Variants in PSMC6 observed in about 807,000 individuals in gnomAD.
The protein encoded by PSMC6 is proteasome 26S subunit, ATPase 6, also known as 26S proteasome regulatory subunit 10B.
Under a neutral mutation model 55.9 loss-of-function variants are expected in PSMC6, and 3 were observed. The observed-to-expected ratio is 0.05, with a 90% CI of 0.02 to 0.14. The LOEUF (loss-of-function observed/expected upper bound fraction) is 0.14, where lower values mean the gene tolerates loss of function less well. Ranked by LOEUF, PSMC6 falls within the 10% of genes least tolerant of loss-of-function variation. The pLI, the probability that PSMC6 is intolerant of heterozygous loss-of-function variation, is 1.00. For synonymous variants in PSMC6, 137 were observed against 155.9 expected (o/e 0.88, Z 0.90); for missense variants, 210 against 478.7 (o/e 0.44, Z 5.24).
At chr14:52,724,064 T>C in intron 13 of PSMC6, 28 bp downstream of exon 13, 1 of 1,581,016 alleles carries the variant, frequency 6.3e-7, no homozygotes. Context: ...AGTTTTACTA[T>C]TGATTTTGAT....
intron 13 of PSMC6, 90 bp downstream of exon 13, chr14:52,724,126 CT>C: frequency 2.4e-6 from 3 of 1,243,258 alleles, no homozygotes; most frequent in Non-Finnish European, 3.5e-6. Flanking sequence ...GGAGCATAGA[CT>C]TTGCAAGGAT....
intron 7 of PSMC6, among the ~76,000 whole-genome samples, chr14:52,715,583 A>G (rs2041821649): frequency 6.6e-6 from 1 of 151,306 alleles, no homozygotes; most frequent in Non-Finnish European, 1.5e-5. Context: ...ATCTGGCACT[A>G]TGTGGTTGAA....
chr14:52,711,209 A>G (rs746998070), intron 5 of PSMC6, 41 bp downstream of exon 5: 3 of 1,570,544 alleles, frequency 1.9e-6, no homozygotes, highest in Admixed American at 3.4e-5. Context: ...TTATTTTCAC[A>G]AAGGGTGGTT....
chr14:52,711,028 AATATTAAACTCTCGTTAGAGTGTTAT>A, intron 4 of PSMC6, 47 bp from the exon 5 acceptor site: 1 of 317,714 alleles, frequency 3.1e-6, no homozygotes, highest in Non-Finnish European at 5.1e-6. Context: ...TTGGCTTCTA[AATATTAAACTCTCGTTAGAGTGTTAT>A]TCCGTTTTTA....
intron 12 of PSMC6, 190 bp from the exon 13 acceptor site, chr14:52,723,773 CTA>C (rs1421750749): frequency 7.6e-7 from 1 of 1,312,740 alleles, no homozygotes; most frequent in East Asian, 2.7e-5. Flanking sequence ...AGGGGTGTGT[CTA>C]ATTCTTCTTG....
chr14:52,718,640 G>A, intron 9 of PSMC6: 1 of 391,806 alleles, frequency 2.6e-6, no homozygotes, highest in Non-Finnish European at 4.7e-6. Flanking sequence ...ACAAAAATTA[G>A]CTGGATGTGG....
At chr14:52,708,424 T>C (rs1314907606) in intron 2 of PSMC6, 36 bp downstream of exon 2, 2 of 1,612,068 alleles carry the variant, frequency 1.2e-6, no homozygotes, top group African/African-American at 1.3e-5. Context: ...GGGGTGATGG[T>C]AATTTGCTTT....
At chr14:52,715,249 T>A (rs1275020935) in intron 7 of PSMC6, among the ~76,000 whole-genome samples, 1 of 152,172 alleles carries the variant, frequency 6.6e-6, no homozygotes, top group Non-Finnish European at 1.5e-5. Context: ...AAAGGGAAAA[T>A]AAATATAAAG....
chr14:52,716,096 C>T (rs1181844365), intron 7 of PSMC6, among the ~76,000 whole-genome samples: 1 of 152,080 alleles, frequency 6.6e-6, no homozygotes, highest in African/African-American at 2.4e-5. Flanking sequence ...AGTAAAAGAT[C>T]CAGTCAGTGC....
chr14:52,714,887 A>T (rs993255880), intron 7 of PSMC6, among the ~76,000 whole-genome samples: 21 of 150,978 alleles, frequency 1.4e-4, no homozygotes, highest in African/African-American at 4.1e-4. Flanking sequence ...AAAAAAAAAA[A>T]ATTTTTTTAT....
chr14:52,727,018 A>AT (rs66797420), intron 13 of PSMC6, among the ~76,000 whole-genome samples: 80,473 of 102,164 alleles, frequency 0.79, 32,841 homozygotes, highest in Middle Eastern at 0.88. Flanking sequence ...ACCGCTATGG[A>AT]TTTTTTTTTT....
chr14:52,712,845 G>A (rs1228969982), intron 6 of PSMC6, among the ~76,000 whole-genome samples: 1 of 152,062 alleles, frequency 6.6e-6, no homozygotes, highest in African/African-American at 2.4e-5. Context: ...TCGAACTCCT[G>A]AACTCAAGCC....
chr14:52,727,284 C>A (rs897580090), intron 13 of PSMC6, among the ~76,000 whole-genome samples: 1 of 151,890 alleles, frequency 6.6e-6, no homozygotes, highest in African/African-American at 2.4e-5. Context: ...CCATCTTGGC[C>A]TCCCAAAGTG....
chr14:52,713,972 G>C lies in PSMC6; in HGVS notation c.529+4G>C. The C allele has an allele frequency of 6.6e-7, 1 of 1,504,956 alleles. No individual in the cohort carries two copies. Among genetic ancestry groups the C allele is most frequent in the Non-Finnish European group, 9.1e-7 (1 of 1,098,330 alleles). 93.2% of individuals were successfully genotyped at this position (1,504,956 alleles called of 1,614,324 possible). ...TGTTTGTTATATGGACCACCAGGTTGGTATTGAATTATTTCTACTCCACCA... is the reference window on the plus strand; with the variant it reads ...TGTTTGTTATATGGACCACCAGGTTCGTATTGAATTATTTCTACTCCACCA... On this transcript the variant is annotated splice_donor_region_variant and intron_variant, in intron 7 of 13. Coordinates refer to ENST00000445930, the MANE Select transcript of PSMC6 (RefSeq NM_002806.5).
At chr14:52,718,427 C>G (rs1183065174) in intron 9 of PSMC6, 75 bp downstream of exon 9, 2 of 1,451,004 alleles carry the variant, frequency 1.4e-6, no homozygotes, top group South Asian at 1.3e-5. Flanking sequence ...CTCTCTTAAT[C>G]TGTAATTGTG....
intron 10 of PSMC6, 90 bp from the exon 11 acceptor site, chr14:52,720,771 T>C: frequency 9.7e-7 from 1 of 1,030,658 alleles, no homozygotes; most frequent in Non-Finnish European, 1.4e-6. Flanking sequence ...CTGTAGACAA[T>C]ACATTTCATG....
chr14:52,712,183 A>C (rs1169606861), intron 6 of PSMC6, among the ~76,000 whole-genome samples: 1 of 152,226 alleles, frequency 6.6e-6, no homozygotes, highest in Non-Finnish European at 1.5e-5. Context: ...ATCTGATTTA[A>C]GCTTTAAGCC....
At chr14:52,710,804 A>G in intron 4 of PSMC6, 1 of 367,358 alleles carries the variant, frequency 2.7e-6, no homozygotes, top group East Asian at 6.6e-5. Context: ...TTTTCTATAA[A>G]TGCTTTGGTA....
intron 13 of PSMC6, among the ~76,000 whole-genome samples, chr14:52,724,905 A>G (rs1228626229): frequency 6.6e-6 from 1 of 152,238 alleles, no homozygotes; most frequent in East Asian, 1.9e-4. Flanking sequence ...GTTTAGCCTT[A>G]GTAAATTCAA....
Sources: allele counts gnomAD v4.1 joint callset (sites outside exome capture counted in the v4.1 genomes callset), GRCh38; gene constraint gnomAD v4.1.1; transcripts MANE v1.5; gene names NCBI Gene and HGNC (gene_info 2026-07-23, HGNC 2026-07-21).